The following TENM3 variants were observed in gnomAD, a reference collection of about 807,000 sequenced individuals.
TENM3 encodes the protein teneurin-3.
Under a neutral mutation model 255.1 loss-of-function variants are expected in TENM3, and 63 were observed. The ratio of observed to expected loss-of-function variants is 0.25; its 90% CI spans 0.20 to 0.30. The LOEUF (loss-of-function observed/expected upper bound fraction) is 0.30. TENM3 is among the 10% of genes least tolerant of loss of function. The pLI, the probability that TENM3 is intolerant of heterozygous loss-of-function variation, is 1.00. For synonymous variants in TENM3, 1,306 were observed against 1,322.3 expected (o/e 0.99, Z 0.27); for missense variants, 2,929 against 3,461.1 (o/e 0.85, Z 3.86).
chr4:182,556,469 A>T (rs572396191), intron 3 of TENM3, among the ~76,000 whole-genome samples: 5 of 152,364 alleles, frequency 3.3e-5, no homozygotes, highest in African/African-American at 1.2e-4. Context: ...ACAACAAAGT[A>T]ATTAGTGAAA....
the TENM3 span, among the ~76,000 whole-genome samples, chr4:181,628,233 G>A: frequency 6.6e-6 from 1 of 151,998 alleles, no homozygotes; most frequent in African/African-American, 2.4e-5. Context: ...CTGGATATTA[G>A]CCCTTTGTCA....
At chr4:182,054,504 AAT>A in the TENM3 span, among the ~76,000 whole-genome samples, 1 of 152,176 alleles carries the variant, frequency 6.6e-6, no homozygotes, top group African/African-American at 2.4e-5. Flanking sequence ...GACAAAAACA[AAT>A]AGAAAGAATG....
At chr4:181,517,126 A>G in the TENM3 span, among the ~76,000 whole-genome samples, 1 of 150,702 alleles carries the variant, frequency 6.6e-6, no homozygotes, top group African/African-American at 2.4e-5. Flanking sequence ...TAATGAATGT[A>G]ACTAAACAGA....
chr4:181,842,692 G>A, the TENM3 span, among the ~76,000 whole-genome samples: 1 of 152,180 alleles, frequency 6.6e-6, no homozygotes, highest in South Asian at 2.1e-4. Flanking sequence ...CCAGACATCT[G>A]TAAGGTTAGG....
chr4:182,317,139 CTT>C, intron 1 of TENM3, among the ~76,000 whole-genome samples: 1 of 152,326 alleles, frequency 6.6e-6, no homozygotes, highest in Non-Finnish European at 1.5e-5. Flanking sequence ...CAAAAGTTCT[CTT>C]TGTTTACTGT....
chr4:181,659,127 C>T, the TENM3 span, among the ~76,000 whole-genome samples: 2 of 152,164 alleles, frequency 1.3e-5, no homozygotes, highest in Non-Finnish European at 2.9e-5. Context: ...AGAAGCATTC[C>T]TAATTTTGCT....
At chr4:182,254,599 A>T (rs1457545578) in intron 1 of TENM3, among the ~76,000 whole-genome samples, 3 of 152,178 alleles carry the variant, frequency 2.0e-5, no homozygotes. Flanking sequence ...ATTTAGGTAA[A>T]TGTTACACTG....
intron 1 of TENM3, among the ~76,000 whole-genome samples, chr4:182,299,483 C>G (rs770201593): frequency 1.8e-4 from 27 of 152,108 alleles, no homozygotes; most frequent in Non-Finnish European, 2.8e-4. Flanking sequence ...AAAGGCAAAA[C>G]AGAAGGTGCC....
chr4:182,406,305 AAAAAAT>A lies in TENM3; in HGVS notation c.511+59392_511+59397del, dbSNP rs141213681. On this transcript the variant is annotated intron_variant, in intron 3 of 27. Coordinates refer to ENST00000511685, the MANE Select transcript of TENM3 (RefSeq NM_001080477.4). ...GGGCCACAGAGCGAGACTCCATCAA[AAAAAAT>A]AAAAATAAAAATAAATAAAAAATAA... 4.0e-3 allele frequency among the ~76,000 whole-genome samples: 607 copies of A among 152,240 alleles called. 3 individuals carry two copies. The highest frequency in any genetic ancestry group is 0.014 in the African/African-American group (587 of 41,532).
At position 182,346,896 on chromosome 4, in the gene TENM3, A is replaced by C. The variant is rs1764855166; in HGVS notation, c.478A>C (p.Thr160Pro). 1 of 1,611,812 alleles carries C rather than the reference A, an allele frequency of 6.2e-7. No homozygotes were observed. The highest frequency in any genetic ancestry group is 1.3e-5 in the African/African-American group (1 of 74,912). Reference sequence around the variant, plus strand: ...CAACTCAGCCCTCACCCTGACAGATACGGAGCACGAAAACAAGTCCGACAG... The same window carrying C: ...CAACTCAGCCCTCACCCTGACAGATCCGGAGCACGAAAACAAGTCCGACAG... ...RSNSALTLTD[T>P]EHENKSDSEN... The change falls in exon 3 of 28, where the codon ACG (threonine) becomes CCG (proline). Residue 160 changes from threonine (T) to proline (P), a missense_variant. Transcript: ENST00000511685.
At chr4:182,133,998 C>T in the TENM3 span, among the ~76,000 whole-genome samples, 4 of 152,036 alleles carry the variant, frequency 2.6e-5, no homozygotes, top group Non-Finnish European at 2.9e-5. Flanking sequence ...GGCCCAGAAA[C>T]GTATATGTTC....
intron 3 of TENM3, among the ~76,000 whole-genome samples, chr4:182,411,190 T>G (rs529561776): frequency 5.2e-4 from 79 of 152,340 alleles, no homozygotes; most frequent in African/African-American, 1.8e-3. Context: ...AGCCCGGTGA[T>G]GCCCTGTCAG....
At chr4:181,501,065 TAGAGTCACC>T in the TENM3 span, among the ~76,000 whole-genome samples, 2 of 152,066 alleles carry the variant, frequency 1.3e-5, no homozygotes, top group African/African-American at 4.8e-5. Flanking sequence ...GCCCACCTCA[TAGAGTCACC>T]AGCTGCCTTT....
At chr4:182,113,990 A>G in the TENM3 span, among the ~76,000 whole-genome samples, 1 of 152,258 alleles carries the variant, frequency 6.6e-6, no homozygotes, top group African/African-American at 2.4e-5. Flanking sequence ...GAAAATACCA[A>G]AGAATGTCCA....
At chr4:182,262,956 G>A (rs1345541231) in intron 1 of TENM3, among the ~76,000 whole-genome samples, 3 of 151,924 alleles carry the variant, frequency 2.0e-5, no homozygotes, top group East Asian at 1.9e-4. Flanking sequence ...CTCGTGATCC[G>A]CCTGCCTCGG....
At chr4:182,230,826 A>ATATATG (rs1756516269) in intron 1 of TENM3, among the ~76,000 whole-genome samples, 1 of 88,958 alleles carries the variant, frequency 1.1e-5, no homozygotes, top group Non-Finnish European at 2.6e-5. Flanking sequence ...ATATATATAT[A>ATATATG]TATATATATA....
At chr4:182,459,158 A>C (rs1774131708) in intron 3 of TENM3, among the ~76,000 whole-genome samples, 1 of 152,228 alleles carries the variant, frequency 6.6e-6, no homozygotes, top group South Asian at 2.1e-4. Context: ...AGCATTTCAA[A>C]AAAATTAGAT....
chr4:182,285,515 A>G (rs1341576685), intron 1 of TENM3, among the ~76,000 whole-genome samples: 1 of 152,200 alleles, frequency 6.6e-6, no homozygotes, highest in African/African-American at 2.4e-5. Context: ...CTATCTGGGT[A>G]GACGAAACCA....
At chr4:182,006,996 AT>A in the TENM3 span, among the ~76,000 whole-genome samples, 1 of 152,302 alleles carries the variant, frequency 6.6e-6, no homozygotes, top group South Asian at 2.1e-4. Context: ...CCCAGGAGTC[AT>A]TCAGGAGCAG....
Sources: allele counts gnomAD v4.1 joint callset (sites outside exome capture counted in the v4.1 genomes callset), GRCh38; gene constraint gnomAD v4.1.1; transcripts MANE v1.5; gene names NCBI Gene and HGNC (gene_info 2026-07-23, HGNC 2026-07-21).